ARHGAP19: variants seen among roughly 807,000 people sequenced by gnomAD.
ARHGAP19 encodes the protein rho GTPase-activating protein 19.
In ARHGAP19, 48 loss-of-function variants were observed where a neutral mutation model predicts 60.9. That is an observed-to-expected ratio of 0.79 (90% CI 0.62 to 1.00). The LOEUF is 1.00. Among genes scored for constraint, ARHGAP19 ranks in the 50% least tolerant of loss-of-function variants. The pLI is 0.00. For missense variants in ARHGAP19, 562 were observed against 597.2 expected, an observed-to-expected ratio of 0.94 and a Z score of 0.61; for synonymous variants, 209 against 215.5, an observed-to-expected ratio of 0.97 and a Z score of 0.27.
chr10:97,250,338 C>T (rs11189065), intron 6 of ARHGAP19, among the ~76,000 whole-genome samples: 6,567 of 151,532 alleles, frequency 0.043, 211 homozygotes, highest in Non-Finnish European at 0.061. Flanking sequence ...AAATAAAGGT[C>T]TTCAAAGAGT....
chr10:97,229,069 GAATT>G, intron 11 of ARHGAP19, 74 bp downstream of exon 11: 1 of 1,358,448 alleles, frequency 7.4e-7, no homozygotes, highest in Non-Finnish European at 1.1e-6. Context: ...ACTATCCTGG[GAATT>G]CAAACAAATG....
intron 9 of ARHGAP19, among the ~76,000 whole-genome samples, chr10:97,233,500 A>T (rs184046829): frequency 6.6e-5 from 10 of 152,340 alleles, no homozygotes; most frequent in Non-Finnish European, 1.3e-4. Flanking sequence ...AACACCAAAA[A>T]TAAAAACAAA....
chr10:97,235,483 A>G (rs984895347), intron 8 of ARHGAP19, among the ~76,000 whole-genome samples, 168 bp from the exon 9 acceptor site: 1 of 152,210 alleles, frequency 6.6e-6, no homozygotes. Context: ...GATGATGCCA[A>G]AAGAAGTGGA....
At chr10:97,230,464 A>C (rs576900071) in intron 9 of ARHGAP19, among the ~76,000 whole-genome samples, 40 of 152,338 alleles carry the variant, frequency 2.6e-4, no homozygotes, top group African/African-American at 8.9e-4. Flanking sequence ...CAAGACTAAA[A>C]GCCCTTTCAT....
intron 4 of ARHGAP19, among the ~76,000 whole-genome samples, chr10:97,261,047 G>A (rs900400202): frequency 6.6e-6 from 1 of 151,348 alleles, no homozygotes; most frequent in Middle Eastern, 3.5e-3. Context: ...TGAAAAATGA[G>A]AATGAATGTC....
At chr10:97,236,816 A>AT (rs1194401359) in intron 8 of ARHGAP19, among the ~76,000 whole-genome samples, 9 of 151,360 alleles carry the variant, frequency 5.9e-5, no homozygotes, top group Non-Finnish European at 7.4e-5. Context: ...AAAAAAAAAA[A>AT]AAAAAAAAAT....
intron 1 of ARHGAP19, among the ~76,000 whole-genome samples, chr10:97,278,831 T>A (rs1843050216): frequency 6.6e-6 from 1 of 151,592 alleles, no homozygotes; most frequent in Non-Finnish European, 1.5e-5. Flanking sequence ...AAAAACTGCA[T>A]CCTGCAGATG....
chr10:97,257,723 CT>C (rs1842775281), intron 5 of ARHGAP19, among the ~76,000 whole-genome samples: 1 of 152,166 alleles, frequency 6.6e-6, no homozygotes, highest in Admixed American at 6.6e-5. Flanking sequence ...TCTGCTCCCC[CT>C]ACTCACCCCC....
rs1253099130 is a variant in ARHGAP19, at chr10:97,225,718, C to CA, written c.*403dup. The CA allele has an allele frequency of 2.4e-5, 4 of 167,322 alleles. No homozygotes were observed. Among genetic ancestry groups the CA allele is most frequent in the African/African-American group, 9.5e-5 (4 of 42,064 alleles). 10.4% of individuals were successfully genotyped at this position (167,322 alleles called of 1,614,324 possible). On this transcript the variant is annotated 3_prime_UTR_variant, in exon 12 of 12. Coordinates refer to ENST00000358531, the MANE Select transcript of ARHGAP19 (RefSeq NM_032900.6). The stretch of plus-strand genomic sequence containing the variant: ...AAAACAGAGAAAAACCCAAAATATC[C>CA]ATTAAAAACAACATCAATCCACTGG...
At position 97,235,932 on chromosome 10, in the gene ARHGAP19, T is replaced by C. The variant is rs369506983; in HGVS notation, c.1186-617A>G. On this transcript the variant is annotated intron_variant, in intron 8 of 11. Transcript: ENST00000358531. Reference sequence around the variant, plus strand: ...TCCCACTTAAAAAGTAATAATAATATAGCATTTAACTCTTCTACTCTTCTG... The same window carrying C: ...TCCCACTTAAAAAGTAATAATAATACAGCATTTAACTCTTCTACTCTTCTG... Among the ~76,000 whole-genome samples the C allele has an allele frequency of 7.9e-5, 12 of 152,258 alleles. No homozygotes were observed. In the East Asian group the frequency reaches 9.6e-4, roughly 12 times the overall value.
intron 8 of ARHGAP19, among the ~76,000 whole-genome samples, chr10:97,240,137 A>C (rs1368359837): frequency 6.6e-6 from 1 of 151,992 alleles, no homozygotes; most frequent in East Asian, 1.9e-4. Context: ...GAAAAAAAAA[A>C]GAAGAAAGGG....
chr10:97,270,663 T>A, intron 1 of ARHGAP19: 1 of 1,546,240 alleles, frequency 6.5e-7, no homozygotes, highest in Non-Finnish European at 8.7e-7. Context: ...GGAAGAAAGC[T>A]TTCCCCTTGT....
chr10:97,285,886 C>G (rs532941552), intron 1 of ARHGAP19, among the ~76,000 whole-genome samples: 9 of 152,144 alleles, frequency 5.9e-5, no homozygotes, highest in Admixed American at 1.3e-4. Context: ...ATAACACTAC[C>G]GACCCAATTG....
chr10:97,246,389 A>G (rs772529136), intron 6 of ARHGAP19, 52 bp from the exon 7 acceptor site: 5 of 1,408,740 alleles, frequency 3.5e-6, no homozygotes, highest in Non-Finnish European at 5.0e-6. Flanking sequence ...AGAATATAAC[A>G]TTCTTTCAGG....
At chr10:97,239,546 GAGAGGGTGTGTGTGTGTGTGTGT>G (rs1842438088) in intron 8 of ARHGAP19, among the ~76,000 whole-genome samples, 2 of 105,902 alleles carry the variant, frequency 1.9e-5, no homozygotes, top group African/African-American at 7.8e-5. Context: ...GAGAGAGAGA[GAGAGGGTGTGTGTGTGTGTGTGT>G]GTGTGTGTGT....
chr10:97,260,252 C>T (rs764791720), intron 4 of ARHGAP19, among the ~76,000 whole-genome samples: 74 of 150,610 alleles, frequency 4.9e-4, no homozygotes, highest in South Asian at 1.1e-3. Context: ...TAAATCAGGC[C>T]GGGCACAGTG....
chr10:97,265,800 TGAGA>T (rs1842890308), intron 2 of ARHGAP19, 56 bp downstream of exon 2: 1 of 1,565,090 alleles, frequency 6.4e-7, no homozygotes, highest in Admixed American at 1.9e-5. Flanking sequence ...GTGTAGATGT[TGAGA>T]GAGAAGCCCA....
chr10:97,245,364 G>A (rs956915412), intron 7 of ARHGAP19, among the ~76,000 whole-genome samples: 1 of 151,928 alleles, frequency 6.6e-6, no homozygotes, highest in Non-Finnish European at 1.5e-5. Flanking sequence ...GGTGGATCAC[G>A]CCTGTAATCC....
Position 97,229,147 on chromosome 10 carries a change from CT to C in ARHGAP19, c.1473del (p.Gly492AspfsTer49). ...KWSEGKKEGK[K>X]GFL ...AACAGAGAGTAAGTACAATTAGTACCTTTTTTCCCCTCTTTCTTCCCTTCAG... is the reference window on the plus strand; with the variant it reads ...AACAGAGAGTAAGTACAATTAGTACCTTTTTCCCCTCTTTCTTCCCTTCAG... On this transcript the variant is annotated frameshift_variant and splice_region_variant, in exon 11 of 12. Transcript: ENST00000358531. LOFTEE classifies it high-confidence loss of function. The C allele has an allele frequency of 6.2e-7, 1 of 1,612,710 alleles. No homozygotes were observed. The highest frequency in any genetic ancestry group is 8.5e-7 in the Non-Finnish European group (1 of 1,178,734).
Sources: allele counts gnomAD v4.1 joint callset (sites outside exome capture counted in the v4.1 genomes callset), GRCh38; gene constraint gnomAD v4.1.1; transcripts MANE v1.5; gene names NCBI Gene and HGNC (gene_info 2026-07-23, HGNC 2026-07-21).